CTNNA1: variants seen among roughly 807,000 people sequenced by gnomAD.
The protein encoded by CTNNA1 is catenin alpha 1, also known as catenin alpha-1.
A neutral mutation model predicts 98.4 loss-of-function variants in CTNNA1; 37 were observed. The observed-to-expected ratio is 0.38, with a 90% CI of 0.29 to 0.49. CTNNA1 has a LOEUF of 0.49. CTNNA1 is among the 20% of genes least tolerant of loss of function. The pLI is 0.95. For missense variants in CTNNA1, 761 were observed against 1,147.2 expected, an observed-to-expected ratio of 0.66 and a Z score of 4.86; for synonymous variants, 404 against 413.2, an observed-to-expected ratio of 0.98 and a Z score of 0.27.
chr5:138,900,633 T>G (rs1052326685), intron 9 of CTNNA1, among the ~76,000 whole-genome samples: 2 of 152,168 alleles, frequency 1.3e-5, no homozygotes, highest in African/African-American at 4.8e-5. Flanking sequence ...GAAACTTCAT[T>G]TAACAAATTT....
At chr5:138,783,871 C>T (rs1181959233) in intron 3 of CTNNA1, among the ~76,000 whole-genome samples, 1 of 152,182 alleles carries the variant, frequency 6.6e-6, no homozygotes, top group Non-Finnish European at 1.5e-5. Flanking sequence ...TATGTTAAAT[C>T]AGCCATGCAT....
chr5:138,924,582 G>A lies in CTNNA1; in HGVS notation c.1619G>A (p.Arg540His), dbSNP rs139655691. Reference protein sequence around the residue: ...LQEKDVDGLDRTAGAIRGRAA... With the variant: ...LQEKDVDGLDHTAGAIRGRAA... ...GAGAAGGATGTGGATGGCCTGGACC[G>A]CACAGCTGGTGCAATTCGAGGCCGG... Residue 540 changes from arginine (R) to histidine (H), a missense_variant, in exon 12 of 18, where the codon CGC becomes CAC. Coordinates refer to ENST00000302763, the MANE Select transcript of CTNNA1 (RefSeq NM_001903.5). The A allele has an allele frequency of 3.5e-5, 56 of 1,614,040 alleles. No homozygotes were observed. The highest frequency in any genetic ancestry group is 4.4e-5 in the Non-Finnish European group (52 of 1,180,026).
chr5:138,857,828 T>C (rs1763863624), intron 7 of CTNNA1, among the ~76,000 whole-genome samples: 1 of 152,202 alleles, frequency 6.6e-6, no homozygotes, highest in Non-Finnish European at 1.5e-5. Context: ...CTGTAAGGAC[T>C]AGTTGAAATT....
At chr5:138,762,604 C>A (rs908728575) in intron 1 of CTNNA1, among the ~76,000 whole-genome samples, 1 of 151,424 alleles carries the variant, frequency 6.6e-6, no homozygotes. Context: ...GGGCTGTCAT[C>A]GATCAACCCC....
chr5:138,775,956 G>C (rs905908315), intron 1 of CTNNA1, among the ~76,000 whole-genome samples: 3 of 149,778 alleles, frequency 2.0e-5, no homozygotes, highest in Admixed American at 6.7e-5. Flanking sequence ...TCGATCTCCT[G>C]ACCTCATGAT....
At chr5:138,781,533 C>T (rs866080188) in intron 1 of CTNNA1, among the ~76,000 whole-genome samples, 2 of 139,664 alleles carry the variant, frequency 1.4e-5, no homozygotes, top group Admixed American at 7.7e-5. Context: ...CCAGCCTGGG[C>T]GAAAGAGCAA....
At chr5:138,766,565 C>T (rs1338907831) in intron 1 of CTNNA1, among the ~76,000 whole-genome samples, 1 of 151,460 alleles carries the variant, frequency 6.6e-6, no homozygotes, top group Non-Finnish European at 1.5e-5. Context: ...ATAACAGAGC[C>T]CTGAGAGCAG....
At chr5:138,856,949 G>A (rs778645614) in intron 7 of CTNNA1, among the ~76,000 whole-genome samples, 9 of 152,114 alleles carry the variant, frequency 5.9e-5, no homozygotes, top group Non-Finnish European at 1.2e-4. Context: ...AAGTTGTCAT[G>A]GGAACTCCAA....
rs773654146 is a variant in CTNNA1 at position 138,873,129 on chromosome 5, T to C, written c.1063-13083T>C. 12 of 1,614,004 alleles carry C rather than the reference T, an allele frequency of 7.4e-6. No homozygotes were observed. The highest frequency in any genetic ancestry group is 1.7e-5 in the Admixed American group (1 of 60,030). ...TCATTATACGGTCCTTGGTCTGACA[T>C]GTTTGACATATGGAGTCGTGTTTGG... On this transcript the variant is annotated intron_variant, in intron 7 of 17. Coordinates refer to ENST00000302763, the MANE Select transcript of CTNNA1 (RefSeq NM_001903.5). This position sits in a 1 kb window ranked among gnomAD's most constrained non-coding sequence, Gnocchi z 6.1.
At chr5:138,849,687 T>C (rs1382120773) in intron 7 of CTNNA1, among the ~76,000 whole-genome samples, 1 of 152,228 alleles carries the variant, frequency 6.6e-6, no homozygotes, top group Non-Finnish European at 1.5e-5. Context: ...ATTGGATTAA[T>C]GGTTATTTGC....
chr5:138,875,167 C>T (rs1751217643), intron 7 of CTNNA1: 1 of 402,220 alleles, frequency 2.5e-6, no homozygotes, highest in Non-Finnish European at 4.4e-6. Context: ...AATTTCTCCA[C>T]CTCTAACTGC....
Position 138,764,871 on chromosome 5 carries a change from T to A in CTNNA1, c.-3+11361T>A, listed in dbSNP as rs1035257189. On this transcript the variant is annotated intron_variant, in intron 1 of 17. Coordinates refer to ENST00000302763, the MANE Select transcript of CTNNA1 (RefSeq NM_001903.5). ...CAGTAATTTGCTGTATCTCTCTCTT[T>A]TTTTTTTTTTTTTTTTTTTGAGATC... 5.8e-5 allele frequency among the ~76,000 whole-genome samples: 8 copies of A among 137,198 alleles called. 1 individual carries two copies. Among genetic ancestry groups the A allele is most frequent in the African/African-American group, 1.9e-4 (7 of 36,798 alleles). 90.0% of individuals were successfully genotyped at this position (137,198 alleles called of 152,430 possible). A position where few individuals can be genotyped will look rare whatever the true frequency, so the allele number is the denominator to read the frequency against.
chr5:138,826,045 C>G, intron 6 of CTNNA1, among the ~76,000 whole-genome samples: 1 of 152,246 alleles, frequency 6.6e-6, no homozygotes, highest in South Asian at 2.1e-4. Context: ...CTCATTGAGG[C>G]TCTGTTACTC....
chr5:138,932,858 C>A, intron 17 of CTNNA1, 146 bp downstream of exon 17: 3 of 1,002,496 alleles, frequency 3.0e-6, no homozygotes, highest in African/African-American at 1.6e-5. Context: ...CTCTGGAGAC[C>A]AAGGTCTGTC....
In CTNNA1 at chr5:138,932,584, G is replaced by A. The variant is rs1561779762; in HGVS notation, c.2305G>A (p.Asp769Asn). The change falls in exon 17 of 18, where the codon GAC becomes AAC. Residue 769 changes from aspartate to asparagine, a missense_variant. Coordinates refer to ENST00000302763, the MANE Select transcript of CTNNA1 (RefSeq NM_001903.5). ...AAGCCTGCTCTCTCTTCAGTGCCCC[G>A]ACTCGGCTTGCAAGCAGGACCTGCT... ...LGRTIADHCPDSACKQDLLAY... is the reference protein window; with the variant it reads ...LGRTIADHCPNSACKQDLLAY... 1.2e-6 allele frequency: 2 copies of A among 1,614,120 alleles called. No homozygotes were observed. The highest frequency in any genetic ancestry group is 8.5e-7 in the Non-Finnish European group (1 of 1,180,006).
intron 5 of CTNNA1, among the ~76,000 whole-genome samples, chr5:138,820,763 A>G (rs935381965): frequency 6.6e-5 from 10 of 152,072 alleles, no homozygotes; most frequent in African/African-American, 2.4e-4. Flanking sequence ...GGTGAATGCT[A>G]GGAGCTGCTA....
chr5:138,898,925 G>A (rs573491088), intron 9 of CTNNA1, among the ~76,000 whole-genome samples: 1 of 152,060 alleles, frequency 6.6e-6, no homozygotes, highest in Non-Finnish European at 1.5e-5. Flanking sequence ...GACTTTCTAG[G>A]TTACTAATTC....
At chr5:138,884,554 A>G (rs1288808077) in intron 7 of CTNNA1, among the ~76,000 whole-genome samples, 1 of 152,148 alleles carries the variant, frequency 6.6e-6, no homozygotes, top group Non-Finnish European at 1.5e-5. Context: ...AAATAGTTGG[A>G]TTTCTTTCAG....
At position 138,930,781 on chromosome 5, in the gene CTNNA1, T is replaced by C; in HGVS notation, c.2193-49T>C. On this transcript the variant is annotated intron_variant, in intron 15 of 17. Coordinates refer to ENST00000302763, the MANE Select transcript of CTNNA1 (RefSeq NM_001903.5). ...GACAATCTTCTTTTTCTACTCCAAC[T>C]GTGAGGGGCTTCACATACAATAATC... 3 of 1,526,112 alleles carry C rather than the reference T, an allele frequency of 2.0e-6. No individual in the cohort carries two copies. The South Asian group carries it at 3.4e-5, about 17-fold the overall frequency. The allele number at this position is 1,526,112 out of a possible 1,614,324, so 94.5% of individuals were successfully genotyped here. A position where few individuals can be genotyped will look rare whatever the true frequency, so the allele number is the denominator to read the frequency against.
Sources: gnomAD v4.1 joint callset for allele counts (sites outside exome capture counted in the v4.1 genomes callset) on GRCh38, gnomAD v4.1.1 for gene constraint, Gnocchi (gnomAD v3.1) non-coding constraint, MANE v1.5 for transcripts, NCBI Gene and HGNC (gene_info 2026-07-23, HGNC 2026-07-21) for gene names.